PPP6R3: variants seen among roughly 807,000 people sequenced by gnomAD.
The protein encoded by PPP6R3 is serine/threonine-protein phosphatase 6 regulatory subunit 3.
In PPP6R3, 38 loss-of-function variants were observed where a neutral mutation model predicts 110.7. The observed-to-expected ratio is 0.34, with a 90% CI of 0.26 to 0.45. PPP6R3 has a LOEUF of 0.45. Ranked by LOEUF, PPP6R3 falls within the 20% of genes least tolerant of loss-of-function variation. The pLI, the probability that PPP6R3 is intolerant of heterozygous loss-of-function variation, is 1.00. For synonymous variants in PPP6R3, 369 were observed against 373.5 expected, an observed-to-expected ratio of 0.99 and a Z score of 0.14; for missense variants, 870 against 1,062.4, an observed-to-expected ratio of 0.82 and a Z score of 2.52.
At chr11:68,511,727 C>T (rs540352347) in intron 1 of PPP6R3, among the ~76,000 whole-genome samples, 1 of 148,598 alleles carries the variant, frequency 6.7e-6, no homozygotes, top group East Asian at 2.0e-4. Context: ...ATGATCCACC[C>T]GCCTCGGCCT....
intron 1 of PPP6R3, among the ~76,000 whole-genome samples, chr11:68,493,898 C>G (rs930972227): frequency 1.3e-5 from 2 of 150,556 alleles, no homozygotes; most frequent in African/African-American, 4.9e-5. Flanking sequence ...GTAAGGAGAT[C>G]AAGACCAATT....
At chr11:68,539,690 TA>T (rs1315921492) in intron 3 of PPP6R3, among the ~76,000 whole-genome samples, 1 of 152,190 alleles carries the variant, frequency 6.6e-6, no homozygotes, top group Non-Finnish European at 1.5e-5. Context: ...TAAGGAAGTT[TA>T]GACTGGGATT....
chr11:68,564,502 G>A (rs2099448996), intron 9 of PPP6R3, 70 bp downstream of exon 9: 18 of 1,529,876 alleles, frequency 1.2e-5, no homozygotes, highest in East Asian at 2.3e-5. Flanking sequence ...GAATGTGTAC[G>A]GGCCTTAGGA....
chr11:68,478,422 T>C (rs1455735511), intron 1 of PPP6R3, among the ~76,000 whole-genome samples: 3 of 152,182 alleles, frequency 2.0e-5, no homozygotes, highest in African/African-American at 7.2e-5. Context: ...ATTTTCCCAC[T>C]AAAGTATATA....
rs139948861 is a variant in PPP6R3, at chr11:68,487,488, T to C, written c.-158+26661T>C. 3.4e-3 allele frequency among the ~76,000 whole-genome samples: 517 copies of C among 151,978 alleles called. 6 individuals carry two copies. Among genetic ancestry groups the C allele is most frequent in the African/African-American group, 0.012 (494 of 41,432 alleles). ...GGGAGGCTGAGGCATGAGAATTGCCTGAACCTGGGAGGCAGAGGTTGCAGT... is the reference window on the plus strand; with the variant it reads ...GGGAGGCTGAGGCATGAGAATTGCCCGAACCTGGGAGGCAGAGGTTGCAGT... On this transcript the variant is annotated intron_variant, in intron 1 of 23. Coordinates refer to ENST00000393800, the MANE Select transcript of PPP6R3 (RefSeq NM_001164161.2).
chr11:68,592,836 T>G (rs554126173), intron 18 of PPP6R3, among the ~76,000 whole-genome samples: 51 of 152,312 alleles, frequency 3.3e-4, no homozygotes, highest in Admixed American at 4.6e-4. Context: ...TTGAATGGAT[T>G]CACTAAATGA....
At chr11:68,595,200 ATTTT>A (rs71043443) in intron 18 of PPP6R3, among the ~76,000 whole-genome samples, 9 of 81,104 alleles carry the variant, frequency 1.1e-4, no homozygotes, top group African/African-American at 3.1e-4. Context: ...CATAAAAATA[ATTTT>A]TTTTTTTTTT....
intron 14 of PPP6R3, among the ~76,000 whole-genome samples, chr11:68,580,425 A>C (rs1183028927): frequency 6.6e-6 from 1 of 152,164 alleles, no homozygotes; most frequent in African/African-American, 2.4e-5. Flanking sequence ...GAGACTGGGG[A>C]ACTGCCAGCT....
intron 1 of PPP6R3, among the ~76,000 whole-genome samples, chr11:68,503,101 G>T (rs2099056611): frequency 6.6e-6 from 1 of 151,192 alleles, no homozygotes; most frequent in South Asian, 2.1e-4. Context: ...ACACCACCAC[G>T]CCTGGCTAAT....
intron 1 of PPP6R3, among the ~76,000 whole-genome samples, chr11:68,512,677 C>G (rs186021711): frequency 1.4e-3 from 218 of 152,212 alleles, no homozygotes; most frequent in African/African-American, 5.1e-3. Flanking sequence ...TAGATGACAC[C>G]TTAACTAAGG....
chr11:68,475,241 T>C (rs553415641), intron 1 of PPP6R3, among the ~76,000 whole-genome samples: 3 of 152,252 alleles, frequency 2.0e-5, no homozygotes, highest in Non-Finnish European at 2.9e-5. Flanking sequence ...GGTAAGGTCA[T>C]AGATCAACAG....
At chr11:68,511,520 G>A (rs186188466) in intron 1 of PPP6R3, among the ~76,000 whole-genome samples, 2 of 114,034 alleles carry the variant, frequency 1.8e-5, no homozygotes, top group African/African-American at 6.7e-5. Flanking sequence ...TCACCCTGTT[G>A]CCCAGGCTGG....
intron 7 of PPP6R3, among the ~76,000 whole-genome samples, chr11:68,554,660 C>T (rs184638628): frequency 2.7e-4 from 41 of 152,186 alleles, no homozygotes; most frequent in Admixed American, 7.8e-4. Flanking sequence ...TCTTTGCAGC[C>T]GATTAGGGAC....
chr11:68,553,363 G>A (rs1387315134), intron 6 of PPP6R3, among the ~76,000 whole-genome samples: 1 of 149,250 alleles, frequency 6.7e-6, no homozygotes, highest in Non-Finnish European at 1.5e-5. Flanking sequence ...GTGCCATCTC[G>A]GCTCACCGCC....
intron 4 of PPP6R3, among the ~76,000 whole-genome samples, chr11:68,545,958 G>A (rs1185366466): frequency 6.6e-6 from 1 of 152,196 alleles, no homozygotes; most frequent in Non-Finnish European, 1.5e-5. Flanking sequence ...CAAACCAGTT[G>A]GTCCTGCCAT....
chr11:68,577,758 A>T (rs536478251), intron 14 of PPP6R3, among the ~76,000 whole-genome samples: 1 of 152,270 alleles, frequency 6.6e-6, no homozygotes, highest in Admixed American at 6.5e-5. Flanking sequence ...CCCCTGGTAG[A>T]CTGTGTTAGA....
At position 68,533,589 on chromosome 11, in the gene PPP6R3, C is replaced by T. The variant is rs961041887; in HGVS notation, c.-6-4070C>T. 4.0e-5 allele frequency among the ~76,000 whole-genome samples: 6 copies of T among 150,394 alleles called. No individual in the cohort carries two copies. The Admixed American group carries it at 4.0e-4, about 10-fold the overall frequency. ...GTGTGGTGGCACGGGTCTGTAGTCT[C>T]AGCTACTCTGGAGGCTGAGGTGGGA... On this transcript the variant is annotated intron_variant, in intron 2 of 23. Transcript: ENST00000393800.
intron 15 of PPP6R3, chr11:68,587,455 C>G (rs1439612098): frequency 5.8e-6 from 1 of 172,636 alleles, no homozygotes; most frequent in Non-Finnish European, 1.2e-5. Flanking sequence ...TGCTTGTGTT[C>G]ATCAGTCGGT....
Position 68,590,715 on chromosome 11 carries a change from G to A in PPP6R3, c.1785+1G>A. On this transcript the variant is annotated splice_donor_variant, in intron 17 of 23. Coordinates refer to ENST00000393800, the MANE Select transcript of PPP6R3 (RefSeq NM_001164161.2). LOFTEE classifies it high-confidence loss of function. The stretch of plus-strand genomic sequence containing the variant: ...CTTTACTCTCAATACAAATGAAAGT[G>A]TAAGTATAAACTCTGTTGTGAGCAG... 6.3e-7 allele frequency: 1 copy of A among 1,591,130 alleles called. No individual in the cohort carries two copies. Among genetic ancestry groups the A allele is most frequent in the Non-Finnish European group, 8.6e-7 (1 of 1,164,172 alleles).
Sources: gnomAD v4.1 joint callset for allele counts (sites outside exome capture counted in the v4.1 genomes callset) on GRCh38, gnomAD v4.1.1 for gene constraint, MANE v1.5 for transcripts, NCBI Gene and HGNC (gene_info 2026-07-23, HGNC 2026-07-21) for gene names.